LRP1B: variants seen among roughly 807,000 people sequenced by gnomAD.
LRP1B encodes LDL receptor related protein 1B.
A neutral mutation model predicts 556.6 loss-of-function variants in LRP1B; 217 were observed. The ratio of observed to expected loss-of-function variants is 0.39; its 90% CI spans 0.35 to 0.44. The LOEUF (loss-of-function observed/expected upper bound fraction) is 0.44. LRP1B is among the 20% of genes least tolerant of loss of function. The pLI is 1.00. For synonymous variants in LRP1B, 2,047 were observed against 1,865.8 expected, an observed-to-expected ratio of 1.10 and a Z score of -2.50; for missense variants, 5,053 against 5,620.8, an observed-to-expected ratio of 0.90 and a Z score of 3.23.
intron 7 of LRP1B, among the ~76,000 whole-genome samples, chr2:141,171,138 T>C (rs1160136617): frequency 6.6e-6 from 1 of 152,152 alleles, no homozygotes; most frequent in Non-Finnish European, 1.5e-5. Context: ...AATCTTGCCT[T>C]GGTGTGTTAA....
intron 7 of LRP1B, among the ~76,000 whole-genome samples, chr2:141,186,062 GA>G (rs1256538849): frequency 9.2e-6 from 1 of 108,744 alleles, no homozygotes; most frequent in East Asian, 3.1e-4. Context: ...TTGAGCGATA[GA>G]ACGAGACTCT....
chr2:141,010,175 G>GT (rs1376188259), intron 14 of LRP1B, among the ~76,000 whole-genome samples: 1 of 151,884 alleles, frequency 6.6e-6, no homozygotes, highest in Non-Finnish European at 1.5e-5. Context: ...ATATTACTTA[G>GT]TTTTGATTAT....
chr2:140,274,369 G>T (rs765302899), intron 85 of LRP1B, 55 bp downstream of exon 85: 1 of 1,456,964 alleles, frequency 6.9e-7, no homozygotes, highest in African/African-American at 1.4e-5. Context: ...TTACTGAACT[G>T]CAATGTCCAT....
chr2:140,258,705 G>A (rs1283377621), intron 86 of LRP1B, among the ~76,000 whole-genome samples: 1 of 152,038 alleles, frequency 6.6e-6, no homozygotes, highest in East Asian at 1.9e-4. Flanking sequence ...TAAAGAGACA[G>A]ATGTCATTAG....
chr2:140,578,078 C>T (rs1331415624), intron 43 of LRP1B, among the ~76,000 whole-genome samples: 1 of 152,122 alleles, frequency 6.6e-6, no homozygotes, highest in African/African-American at 2.4e-5. Context: ...ATGCATATTT[C>T]TAACTTCTGA....
At chr2:141,777,084 GACA>G (rs994003807) in intron 2 of LRP1B, among the ~76,000 whole-genome samples, 7 of 152,234 alleles carry the variant, frequency 4.6e-5, no homozygotes, top group African/African-American at 1.7e-4. Context: ...GGACTGCTAG[GACA>G]ACAAGAGTGA....
rs1208253510 is a variant in LRP1B at position 140,572,797 on chromosome 2, T to TAAAATAAAAC, written c.7194+25833_7194+25834insGTTTTATTTT. On this transcript the variant is annotated intron_variant, in intron 43 of 90. Transcript: ENST00000389484. ...TACACAATGAGATACTATTCAGCCA[T>TAAAATAAAAC]AAAATAAAATAAAATAAAATAAAAT... is the stretch of plus-strand genomic sequence containing the variant. Among the ~76,000 whole-genome samples, 4 of 144,526 alleles carry TAAAATAAAAC rather than the reference T, an allele frequency of 2.8e-5. No homozygotes were observed. In the East Asian group the frequency reaches 8.4e-4, roughly 30 times the overall value. 94.8% of individuals were successfully genotyped at this position (144,526 alleles called of 152,430 possible).
At chr2:142,004,248 T>A (rs1021663170) in intron 1 of LRP1B, among the ~76,000 whole-genome samples, 12 of 152,060 alleles carry the variant, frequency 7.9e-5, no homozygotes, top group African/African-American at 2.7e-4. Flanking sequence ...TGAGAAAAAC[T>A]ACTAATCAAA....
intron 87 of LRP1B, among the ~76,000 whole-genome samples, chr2:140,245,049 A>G (rs1016067139): frequency 6.6e-6 from 1 of 151,368 alleles, no homozygotes; most frequent in Non-Finnish European, 1.5e-5. Flanking sequence ...CATCTAATAG[A>G]GTCATTATTT....
intron 3 of LRP1B, among the ~76,000 whole-genome samples, chr2:141,450,067 G>A (rs545365243): frequency 2.6e-5 from 4 of 152,202 alleles, no homozygotes; most frequent in East Asian, 1.9e-4. Context: ...TATTTTAAAC[G>A]TTGAGGAGGG....
chr2:141,926,961 TAA>T (rs964269115), intron 1 of LRP1B, among the ~76,000 whole-genome samples: 3 of 152,126 alleles, frequency 2.0e-5, no homozygotes, highest in African/African-American at 7.2e-5. Flanking sequence ...GTCAAATTTT[TAA>T]AAAGACTCTC....
At chr2:140,655,123 C>A (rs188704764) in intron 41 of LRP1B, among the ~76,000 whole-genome samples, 3 of 151,906 alleles carry the variant, frequency 2.0e-5, no homozygotes, top group East Asian at 1.9e-4. Flanking sequence ...AATTCTAGAC[C>A]ATCGAAGTAT....
At chr2:140,529,556 C>T (rs1240788914) in intron 47 of LRP1B, among the ~76,000 whole-genome samples, 3 of 151,892 alleles carry the variant, frequency 2.0e-5, no homozygotes, top group African/African-American at 4.8e-5. Flanking sequence ...AGAAGGAATG[C>T]CGATTTCTTC....
At chr2:141,615,042 T>C (rs1412759725) in intron 2 of LRP1B, among the ~76,000 whole-genome samples, 1 of 152,128 alleles carries the variant, frequency 6.6e-6, no homozygotes, top group Non-Finnish European at 1.5e-5. Context: ...GATAGAAACA[T>C]GTATGTTAGA....
At chr2:140,658,684 CATTTATTT>C (rs111867527) in intron 41 of LRP1B, among the ~76,000 whole-genome samples, 8,679 of 151,720 alleles carry the variant, frequency 0.057, 286 homozygotes, top group Admixed American at 0.078. Context: ...AATATGTCTA[CATTTATTT>C]ATTTATTTAT....
chr2:140,658,510 C>T (rs1684967806), intron 41 of LRP1B, among the ~76,000 whole-genome samples: 1 of 151,884 alleles, frequency 6.6e-6, no homozygotes, highest in Non-Finnish European at 1.5e-5. Context: ...TTTATTTTCT[C>T]ATCCTGAATT....
chr2:140,869,902 C>G (rs771633721), intron 25 of LRP1B, among the ~76,000 whole-genome samples: 1 of 151,994 alleles, frequency 6.6e-6, no homozygotes, highest in Admixed American at 6.6e-5. Context: ...AAGTATGGTA[C>G]TTTGGCATGC....
intron 1 of LRP1B, among the ~76,000 whole-genome samples, chr2:142,092,284 A>G (rs1335920495): frequency 1.3e-5 from 2 of 152,158 alleles, no homozygotes; most frequent in East Asian, 3.9e-4. Context: ...GTTTAAAAAT[A>G]TGTACTTTCT....
chr2:141,309,353 C>T lies in LRP1B; in HGVS notation c.344-54712G>A, dbSNP rs531383860. Among the ~76,000 whole-genome samples the T allele has an allele frequency of 1.5e-3, 222 of 152,308 alleles. 2 individuals are homozygous for T. The highest frequency in any genetic ancestry group is 5.0e-3 in the African/African-American group (207 of 41,560). On this transcript the variant is annotated intron_variant, in intron 3 of 90. Transcript: ENST00000389484. ...GGTTTTGATAATTTTCTGTCTTCTC[C>T]TTCCGTGAACGGAAAAGAGATTGAA...
Sources: gnomAD v4.1 joint callset for allele counts (sites outside exome capture counted in the v4.1 genomes callset) on GRCh38, gnomAD v4.1.1 for gene constraint, MANE v1.5 for transcripts, NCBI Gene and HGNC (gene_info 2026-07-23, HGNC 2026-07-21) for gene names.